SAMD5: variants seen among roughly 807,000 people sequenced by gnomAD.
The protein encoded by SAMD5 is sterile alpha motif domain containing 5.
Under a neutral mutation model 11.3 loss-of-function variants are expected in SAMD5, and 13 were observed. That is an observed-to-expected ratio of 1.15 (90% CI 0.75 to 1.83). The LOEUF (loss-of-function observed/expected upper bound fraction) is 1.83, where lower values mean the gene tolerates loss of function less well. Ranked by LOEUF, SAMD5 falls within the 40% of genes most tolerant of loss-of-function variation. The pLI, the probability that SAMD5 is intolerant of heterozygous loss-of-function variation, is 0.00. For missense variants in SAMD5, 255 were observed against 239.1 expected, an observed-to-expected ratio of 1.07 and a Z score of -0.44; for synonymous variants, 129 against 111.3, an observed-to-expected ratio of 1.16 and a Z score of -1.00.
At chr6:147,620,245 C>T (rs1789939503) in intron 1 of SAMD5, among the ~76,000 whole-genome samples, 1 of 152,142 alleles carries the variant, frequency 6.6e-6, no homozygotes, top group Admixed American at 6.5e-5. Context: ...CTGCACAGCG[C>T]CCTTGCTCAT....
intron 1 of SAMD5, among the ~76,000 whole-genome samples, chr6:147,510,418 C>T (rs1160809873): frequency 6.6e-6 from 1 of 152,124 alleles, no homozygotes; most frequent in Non-Finnish European, 1.5e-5. Flanking sequence ...AGAAGGTGCA[C>T]AGGAATATGA....
chr6:147,618,557 A>G (rs1789908774), intron 1 of SAMD5, among the ~76,000 whole-genome samples: 1 of 152,216 alleles, frequency 6.6e-6, no homozygotes, highest in African/African-American at 2.4e-5. Flanking sequence ...CAGAACAGAT[A>G]GAGCAAGGTA....
chr6:147,590,328 G>A (rs1029027825), intron 1 of SAMD5, among the ~76,000 whole-genome samples: 1 of 152,140 alleles, frequency 6.6e-6, no homozygotes, highest in Non-Finnish European at 1.5e-5. Flanking sequence ...AGAAACCCGT[G>A]ATAGCTGGGT....
intron 1 of SAMD5, among the ~76,000 whole-genome samples, chr6:147,681,058 T>C (rs1790933458): frequency 6.6e-6 from 1 of 152,176 alleles, no homozygotes; most frequent in Non-Finnish European, 1.5e-5. Flanking sequence ...AACATCTGTA[T>C]AAAATTGGCA....
At chr6:147,731,293 A>G (rs961396699) in intron 1 of SAMD5, among the ~76,000 whole-genome samples, 1 of 152,178 alleles carries the variant, frequency 6.6e-6, no homozygotes, top group South Asian at 2.1e-4. Flanking sequence ...GTGATGCTGC[A>G]TAACAGCATA....
chr6:147,953,917 A>C, the SAMD5 span: 1 of 152,142 alleles, frequency 6.6e-6, no homozygotes, highest in Admixed American at 6.5e-5. Context: ...CATTTGCTAG[A>C]AAAAATTAAA....
At chr6:147,765,389 A>G in the SAMD5 span, among the ~76,000 whole-genome samples, 9 of 152,152 alleles carry the variant, frequency 5.9e-5, no homozygotes, top group Non-Finnish European at 1.3e-4. Flanking sequence ...TGGGAATAAA[A>G]CATCTTATAG....
At chr6:147,835,319 G>A in the SAMD5 span, among the ~76,000 whole-genome samples, 1 of 151,440 alleles carries the variant, frequency 6.6e-6, no homozygotes, top group Non-Finnish European at 1.5e-5. Context: ...GTTTCTTTGA[G>A]AAGCTGTGAG....
At chr6:147,599,799 A>C (rs17387675) in intron 1 of SAMD5, among the ~76,000 whole-genome samples, 5,407 of 152,326 alleles carry the variant, frequency 0.035, 132 homozygotes, top group Middle Eastern at 0.065. Context: ...GCTGTTTCTC[A>C]GTTATTCATG....
chr6:147,599,400 A>C (rs1789582759), intron 1 of SAMD5, among the ~76,000 whole-genome samples: 1 of 152,246 alleles, frequency 6.6e-6, no homozygotes, highest in Non-Finnish European at 1.5e-5. Flanking sequence ...CTAAAACTGT[A>C]AAATGTCAAT....
At chr6:147,814,316 C>A in the SAMD5 span, among the ~76,000 whole-genome samples, 1 of 152,062 alleles carries the variant, frequency 6.6e-6, no homozygotes, top group South Asian at 2.1e-4. Flanking sequence ...AGTATATTCA[C>A]GCATATTCAA....
chr6:147,914,845 T>C, the SAMD5 span, among the ~76,000 whole-genome samples: 1 of 152,132 alleles, frequency 6.6e-6, no homozygotes, highest in African/African-American at 2.4e-5. Context: ...CCTGTAATAT[T>C]CAGGATGAGA....
At chr6:147,870,445 TGTGA>T in the SAMD5 span, among the ~76,000 whole-genome samples, 14 of 113,258 alleles carry the variant, frequency 1.2e-4, no homozygotes, top group African/African-American at 3.6e-4. Context: ...TGTGTGTGTG[TGTGA>T]GTGTGTGTGT....
At chr6:147,658,456 C>A (rs1315740793) in intron 1 of SAMD5, among the ~76,000 whole-genome samples, 1 of 151,750 alleles carries the variant, frequency 6.6e-6, no homozygotes, top group Non-Finnish European at 1.5e-5. Context: ...TTTATGAGTA[C>A]AAGATGATGA....
the SAMD5 span, among the ~76,000 whole-genome samples, chr6:147,951,305 CCA>C: frequency 6.6e-6 from 1 of 151,972 alleles, no homozygotes; most frequent in African/African-American, 2.4e-5. Flanking sequence ...CCTCAGCCTC[CCA>C]CGTAGCTGGG....
At chr6:147,661,045 G>A (rs1347627018) in intron 1 of SAMD5, among the ~76,000 whole-genome samples, 1 of 152,130 alleles carries the variant, frequency 6.6e-6, no homozygotes, top group African/African-American at 2.4e-5. Context: ...TGTGGGATCA[G>A]GAGTATATAA....
the SAMD5 span, among the ~76,000 whole-genome samples, chr6:147,924,903 A>C: frequency 6.6e-5 from 10 of 152,100 alleles, no homozygotes; most frequent in Non-Finnish European, 1.3e-4. Flanking sequence ...GATGATATGT[A>C]AAATTTGAAA....
At chr6:147,795,453 T>G in the SAMD5 span, among the ~76,000 whole-genome samples, 2 of 144,516 alleles carry the variant, frequency 1.4e-5, no homozygotes, top group Non-Finnish European at 3.0e-5. Context: ...ATTTTCTTAA[T>G]CCAGTCTATC....
At chr6:147,623,205 A>G (rs1789998759) in intron 1 of SAMD5, among the ~76,000 whole-genome samples, 1 of 152,212 alleles carries the variant, frequency 6.6e-6, no homozygotes, top group Non-Finnish European at 1.5e-5. Flanking sequence ...GTGGGGGAGG[A>G]AAGGGAGGAT....
Sources: gnomAD v4.1 joint callset for allele counts (sites outside exome capture counted in the v4.1 genomes callset) on GRCh38, gnomAD v4.1.1 for gene constraint, MANE v1.5 for transcripts, NCBI Gene and HGNC (gene_info 2026-07-23, HGNC 2026-07-21) for gene names.